The following AKR1C1 variants were observed in gnomAD, a reference collection of about 807,000 sequenced individuals.
AKR1C1 encodes aldo-keto reductase family 1 member C1.
Under a neutral mutation model 40.6 loss-of-function variants are expected in AKR1C1, and 32 were observed. The observed-to-expected ratio is 0.79, with a 90% CI of 0.60 to 1.06. The LOEUF (loss-of-function observed/expected upper bound fraction) is 1.06. AKR1C1 is among the 50% of genes least tolerant of loss of function. The pLI is 0.00. For missense variants in AKR1C1, 320 were observed against 363.5 expected, an observed-to-expected ratio of 0.88 and a Z score of 0.97; for synonymous variants, 105 against 134.2, an observed-to-expected ratio of 0.78 and a Z score of 1.50.
At chr10:4,977,667 A>G in intron 8 of AKR1C1, 33 bp from the exon 9 acceptor site, 2 of 1,612,772 alleles carry the variant, frequency 1.2e-6, no homozygotes, top group Non-Finnish European at 1.7e-6. Context: ...AGTCATTGCC[A>G]TTCAGAGTGT....
At chr10:4,968,285 C>T (rs1836360560) in intron 3 of AKR1C1, 24 bp from the exon 4 acceptor site, 9 of 1,469,788 alleles carry the variant, frequency 6.1e-6, no homozygotes, top group Middle Eastern at 3.7e-4. Flanking sequence ...TGTGACATCA[C>T]TAAACTGACT....
rs1836340529 is a variant in AKR1C1 at position 4,966,836 on chromosome 10, G to A, written c.253-91G>A. Reference sequence around the variant, plus strand: ...TTTGCCTGTGGTCATTAGTTTTGAAGTAGTAGAAAATGTCTAAATATTAGG... The same window carrying A: ...TTTGCCTGTGGTCATTAGTTTTGAAATAGTAGAAAATGTCTAAATATTAGG... On this transcript the variant is annotated intron_variant, in intron 2 of 8. Transcript: ENST00000380872. 8 of 1,147,238 alleles carry A rather than the reference G, an allele frequency of 7.0e-6. No individual in the cohort carries two copies. In the South Asian group the frequency reaches 1.0e-4, roughly 15 times the overall value. The allele number at this position is 1,147,238 out of a possible 1,614,324, so 71.1% of individuals were successfully genotyped here. A position where few individuals can be genotyped will look rare whatever the true frequency, so the allele number is the denominator to read the frequency against.
At chr10:4,965,244 G>A (rs1420307368) in intron 1 of AKR1C1, among the ~76,000 whole-genome samples, 3 of 151,974 alleles carry the variant, frequency 2.0e-5, no homozygotes, top group African/African-American at 4.8e-5. Flanking sequence ...CTATTTCCTC[G>A]TGTTAATTTC....
chr10:4,972,764 T>C lies in AKR1C1; in HGVS notation c.846+15T>C. 6.2e-7 allele frequency: 1 copy of C among 1,610,768 alleles called. No individual in the cohort carries two copies. The highest frequency in any genetic ancestry group is 1.1e-5 in the South Asian group (1 of 90,872). On this transcript the variant is annotated intron_variant, in intron 7 of 8. Coordinates refer to ENST00000380872, the MANE Select transcript of AKR1C1 (RefSeq NM_001353.6). ...AGAACGTGCAGGTGAGGAGCGGGGC[T>C]GTGGGCCTCAGGTCTCCTGCACAGT...
At position 4,968,391 on chromosome 10, in the gene AKR1C1, G is replaced by T; in HGVS notation, c.447+5G>T. 6.5e-7 allele frequency: 1 copy of T among 1,529,572 alleles called. No homozygotes were observed. The highest frequency in any genetic ancestry group is 9.0e-7 in the Non-Finnish European group (1 of 1,114,180). The allele number at this position is 1,529,572 out of a possible 1,614,324, so 94.8% of individuals were successfully genotyped here. A position where few individuals can be genotyped will look rare whatever the true frequency, so the allele number is the denominator to read the frequency against. On this transcript the variant is annotated splice_donor_5th_base_variant and intron_variant, in intron 4 of 8. Transcript: ENST00000380872. ...GATCTCTGTGCCACATGGGAGGTGAGTGTTTGGAGGTGAGAGAACGGATAA... is the reference window on the plus strand; with the variant it reads ...GATCTCTGTGCCACATGGGAGGTGATTGTTTGGAGGTGAGAGAACGGATAA...
At chr10:4,977,656 G>C in intron 8 of AKR1C1, 44 bp from the exon 9 acceptor site, 2 of 1,612,024 alleles carry the variant, frequency 1.2e-6, no homozygotes, top group Non-Finnish European at 1.7e-6. Flanking sequence ...GCTAGTAACG[G>C]AGTCATTGCC....
chr10:4,969,663 T>A, intron 5 of AKR1C1: 2 of 1,609,970 alleles, frequency 1.2e-6, no homozygotes, highest in East Asian at 4.5e-5. Context: ...TCTCTATGTG[T>A]TCCTTTTGTA....
At chr10:4,971,584 G>A (rs1213928322) in intron 5 of AKR1C1, among the ~76,000 whole-genome samples, 1 of 147,648 alleles carries the variant, frequency 6.8e-6, no homozygotes, top group Admixed American at 6.8e-5. Context: ...AAAGACAAAA[G>A]CACTTGTTTC....
chr10:4,973,023 AT>A (rs1836464024), intron 7 of AKR1C1, among the ~76,000 whole-genome samples: 1 of 152,276 alleles, frequency 6.6e-6, no homozygotes, highest in Non-Finnish European at 1.5e-5. Context: ...CCTTTTCTTT[AT>A]TTTTTATAAT....
At chr10:4,968,279 A>G (rs1238050774) in intron 3 of AKR1C1, 30 bp from the exon 4 acceptor site, 2 of 1,434,736 alleles carry the variant, frequency 1.4e-6, no homozygotes, top group Non-Finnish European at 1.9e-6. Flanking sequence ...TTGACTTGTG[A>G]CATCACTAAA....
chr10:4,968,465 T>C, intron 4 of AKR1C1, 79 bp downstream of exon 4: 1 of 1,243,298 alleles, frequency 8.0e-7, no homozygotes, highest in East Asian at 2.5e-5. Flanking sequence ...AGTACAAGTA[T>C]GGAAAATGCA....
chr10:4,973,890 ATTAG>A (rs1185488706), intron 7 of AKR1C1, among the ~76,000 whole-genome samples: 4 of 131,422 alleles, frequency 3.0e-5, no homozygotes, highest in African/African-American at 5.8e-5. Flanking sequence ...ATGTTTTCTA[ATTAG>A]TTATATACAG....
rs1251544948 is a variant in AKR1C1 at position 4,983,224 on chromosome 10, G to A, written c.*5482G>A. The A allele has an allele frequency of 4.0e-5, 7 of 175,644 alleles. No individual in the cohort carries two copies. Among genetic ancestry groups the A allele is most frequent in the Non-Finnish European group, 7.2e-5 (6 of 83,520 alleles). 10.9% of individuals were successfully genotyped at this position (175,644 alleles called of 1,614,324 possible). ...CAGAAGGACTGGGCAACATTCAGGC[G>A]GAGCCCAGGCCAATTTTCTAAACAT... On this transcript the variant is annotated 3_prime_UTR_variant, in exon 9 of 9. Coordinates refer to ENST00000380872, the MANE Select transcript of AKR1C1 (RefSeq NM_001353.6).
intron 3 of AKR1C1, 193 bp downstream of exon 3, chr10:4,967,236 T>C (rs910372456): frequency 2.1e-5 from 21 of 1,008,158 alleles, no homozygotes; most frequent in African/African-American, 1.5e-4. Flanking sequence ...TGCATGTCTA[T>C]AAGAAAAGAA....
rs1298644275 is a variant in AKR1C1, at chr10:4,965,765, C to A, written c.85-149C>A. On this transcript the variant is annotated intron_variant, in intron 1 of 8. Transcript: ENST00000380872. Reference sequence around the variant, plus strand: ...ACCTTTATTACTAACTGGGAAAGACCCAGGGAGACTGGGATGGGCTCATGA... The same window carrying A: ...ACCTTTATTACTAACTGGGAAAGACACAGGGAGACTGGGATGGGCTCATGA... 5.6e-6 allele frequency: 5 copies of A among 893,878 alleles called. No individual in the cohort carries two copies. The East Asian group carries it at 1.4e-4, about 25-fold the overall frequency. The allele number at this position is 893,878 out of a possible 1,614,324, so 55.4% of individuals were successfully genotyped here. A position where few individuals can be genotyped will look rare whatever the true frequency, so the allele number is the denominator to read the frequency against.
chr10:4,967,939 G>T (rs1243137978), intron 3 of AKR1C1: 1 of 183,182 alleles, frequency 5.5e-6, no homozygotes, highest in African/African-American at 2.4e-5. Flanking sequence ...AACTCTGATA[G>T]TGGCACCTGG....
rs202231968 is a variant in AKR1C1 at position 4,968,951 on chromosome 10, A to G, written c.570+7A>G. 4.8e-5 allele frequency: 78 copies of G among 1,613,086 alleles called. No homozygotes were observed. The highest frequency in any genetic ancestry group is 4.7e-4 in the East Asian group (21 of 44,738). On this transcript the variant is annotated splice_region_variant and intron_variant, in intron 5 of 8. Coordinates refer to ENST00000380872, the MANE Select transcript of AKR1C1 (RefSeq NM_001353.6). ...CAAGCCTGTCTGCAACCAGGTGAGC[A>G]CCCTCAGCCTCCTCTCCTTTCTGTT... is the stretch of plus-strand genomic sequence containing the variant.
chr10:4,974,545 T>C (rs1405463060), intron 7 of AKR1C1, among the ~76,000 whole-genome samples: 1 of 152,110 alleles, frequency 6.6e-6, no homozygotes, highest in East Asian at 1.9e-4. Flanking sequence ...AAATTGTTAA[T>C]ATTCTTTCCT....
At chr10:4,972,844 C>G in intron 7 of AKR1C1, 95 bp downstream of exon 7, 2 of 1,488,838 alleles carry the variant, frequency 1.3e-6, no homozygotes, top group Non-Finnish European at 1.8e-6. Context: ...GGGCCAGCTC[C>G]ATTTCCCTGT....
Sources: allele counts gnomAD v4.1 joint callset (sites outside exome capture counted in the v4.1 genomes callset), GRCh38; gene constraint gnomAD v4.1.1; transcripts MANE v1.5; gene names NCBI Gene and HGNC (gene_info 2026-07-23, HGNC 2026-07-21).